MAP2K5: variants seen among roughly 807,000 people sequenced by gnomAD.
MAP2K5 encodes the protein dual specificity mitogen-activated protein kinase kinase 5.
Under a neutral mutation model 83.1 loss-of-function variants are expected in MAP2K5, and 49 were observed. The observed-to-expected ratio is 0.59, with a 90% CI of 0.47 to 0.75. MAP2K5 has a LOEUF of 0.75. Ranked by LOEUF, MAP2K5 falls within the 30% of genes least tolerant of loss-of-function variation. The pLI is 0.00. For missense variants in MAP2K5, 457 were observed against 557.5 expected (o/e 0.82, Z 1.82); for synonymous variants, 202 against 191.8 (o/e 1.05, Z -0.44).
chr15:67,624,277 G>A (rs188624750), intron 8 of MAP2K5, among the ~76,000 whole-genome samples: 4 of 146,340 alleles, frequency 2.7e-5, no homozygotes, highest in Admixed American at 2.1e-4. Context: ...AAGCGGAGCT[G>A]GCAGTGAGCC....
chr15:67,726,869 T>TA (rs1465053736), intron 16 of MAP2K5, among the ~76,000 whole-genome samples: 15 of 152,228 alleles, frequency 9.9e-5, no homozygotes, highest in African/African-American at 3.6e-4. Context: ...GTTTTGCCAC[T>TA]ATTTTCTTTA....
chr15:67,776,149 C>T lies in MAP2K5; in HGVS notation c.1242+3397C>T, dbSNP rs16951259. Among the ~76,000 whole-genome samples, 1,203 of 152,220 alleles carry T rather than the reference C, an allele frequency of 7.9e-3. 21 individuals are homozygous for T. Among genetic ancestry groups the T allele is most frequent in the African/African-American group, 0.027 (1,138 of 41,536 alleles). On this transcript the variant is annotated intron_variant, in intron 21 of 21. Coordinates refer to ENST00000178640, the MANE Select transcript of MAP2K5 (RefSeq NM_145160.3). Reference sequence around the variant, plus strand: ...AACCCTGCTTTAAAGGTAAACTAAGCGTGCAGGCAGCCAAGAACATTCAGC... The same window carrying T: ...AACCCTGCTTTAAAGGTAAACTAAGTGTGCAGGCAGCCAAGAACATTCAGC...
At chr15:67,791,753 A>G (rs563391955) in intron 21 of MAP2K5, among the ~76,000 whole-genome samples, 1 of 152,220 alleles carries the variant, frequency 6.6e-6, no homozygotes, top group African/African-American at 2.4e-5. Context: ...AGCCGGTTGT[A>G]GAATGAAAAC....
rs1461542939 is a variant in MAP2K5, at chr15:67,620,925, AATTAGGTG to A, written c.546-9962_546-9955del. On this transcript the variant is annotated intron_variant, in intron 8 of 21. Coordinates refer to ENST00000178640, the MANE Select transcript of MAP2K5 (RefSeq NM_145160.3). ...GAAGTCGATAGGTGTAAAGTAAATG[AATTAGGTG>A]GTAGAAATAAATCCAAATATATCAA... 3.3e-5 allele frequency among the ~76,000 whole-genome samples: 5 copies of A among 152,314 alleles called. No homozygotes were observed. In the East Asian group the frequency reaches 9.6e-4, roughly 29 times the overall value.
intron 16 of MAP2K5, among the ~76,000 whole-genome samples, chr15:67,725,266 G>C (rs982485743): frequency 1.3e-5 from 2 of 152,186 alleles, no homozygotes. Context: ...ATGACAGAGA[G>C]GGCCAAGTAG....
At chr15:67,687,699 T>C (rs1232643482) in intron 13 of MAP2K5, among the ~76,000 whole-genome samples, 1 of 152,188 alleles carries the variant, frequency 6.6e-6, no homozygotes, top group Non-Finnish European at 1.5e-5. Context: ...AAGATGGAGC[T>C]CCTTCTCAGG....
At position 67,802,912 on chromosome 15, in the gene MAP2K5, G is replaced by T. The variant is rs1242078611; in HGVS notation, c.1243-3734G>T. Among the ~76,000 whole-genome samples, 3 of 152,252 alleles carry T rather than the reference G, an allele frequency of 2.0e-5. No homozygotes were observed. Among genetic ancestry groups the T allele is most frequent in the African/African-American group, 7.2e-5 (3 of 41,468 alleles). On this transcript the variant is annotated intron_variant, in intron 21 of 21. Coordinates refer to ENST00000178640, the MANE Select transcript of MAP2K5 (RefSeq NM_145160.3). The surrounding 1 kb of genome is among the most constrained non-coding windows in gnomAD (Gnocchi z 5.0). Reference sequence around the variant, plus strand: ...GGACCAGCCGCAGGGGCTGGAGACTGCAAGGAGCCTCGAGGTTGGCTGTCT... The same window carrying T: ...GGACCAGCCGCAGGGGCTGGAGACTTCAAGGAGCCTCGAGGTTGGCTGTCT...
intron 4 of MAP2K5, among the ~76,000 whole-genome samples, chr15:67,583,908 G>A (rs1029451991): frequency 1.3e-5 from 2 of 151,904 alleles, no homozygotes; most frequent in African/African-American, 4.8e-5. Flanking sequence ...CACCACGCTG[G>A]GCATTTTTTT....
intron 3 of MAP2K5, among the ~76,000 whole-genome samples, chr15:67,567,975 AC>A (rs2084875147): frequency 6.6e-6 from 1 of 152,204 alleles, no homozygotes; most frequent in African/African-American, 2.4e-5. Context: ...TTCAGCCAAT[AC>A]ATCTTGCTTT....
At chr15:67,600,103 C>T (rs1209065903) in intron 7 of MAP2K5, among the ~76,000 whole-genome samples, 1 of 152,118 alleles carries the variant, frequency 6.6e-6, no homozygotes, top group Non-Finnish European at 1.5e-5. Context: ...GCATTGATTT[C>T]GTGCTTTTCC....
chr15:67,648,333 G>A (rs1356720467), intron 11 of MAP2K5, among the ~76,000 whole-genome samples: 3 of 152,050 alleles, frequency 2.0e-5, no homozygotes, highest in Admixed American at 6.6e-5. Context: ...ATAATATATG[G>A]CCTTTGTGTC....
At chr15:67,564,712 A>G (rs2084804423) in intron 3 of MAP2K5, among the ~76,000 whole-genome samples, 1 of 152,226 alleles carries the variant, frequency 6.6e-6, no homozygotes, top group African/African-American at 2.4e-5. Flanking sequence ...GAAAAGGTCT[A>G]CCACTGGTAT....
Position 67,747,746 on chromosome 15 carries a change from A to G in MAP2K5, c.1075-485A>G, listed in dbSNP as rs1226444194. Among the ~76,000 whole-genome samples, 1 of 152,242 alleles carries G rather than the reference A, an allele frequency of 6.6e-6. No individual in the cohort carries two copies. Among genetic ancestry groups the G allele is most frequent in the Admixed American group, 6.5e-5 (1 of 15,288 alleles). ...AGTTAGGTGCAAATACTTCAACTAC[A>G]TAATTAAAGTTTTCCTCACAAAATA... On this transcript the variant is annotated intron_variant, in intron 17 of 21. Coordinates refer to ENST00000178640, the MANE Select transcript of MAP2K5 (RefSeq NM_145160.3). The surrounding 1 kb of genome is among the most constrained non-coding windows in gnomAD (Gnocchi z 4.1).
chr15:67,578,292 T>A (rs923273591), intron 3 of MAP2K5, among the ~76,000 whole-genome samples: 1 of 152,162 alleles, frequency 6.6e-6, no homozygotes. Context: ...GTACCATGCA[T>A]GGCCCTGCAT....
chr15:67,589,718 A>T (rs1181039168), intron 6 of MAP2K5, among the ~76,000 whole-genome samples: 2 of 152,078 alleles, frequency 1.3e-5, no homozygotes, highest in African/African-American at 4.8e-5. Context: ...GGAACTATCA[A>T]CTGGGAGTCA....
rs1287371998 is a variant in MAP2K5, at chr15:67,777,790, T to G, written c.1242+5038T>G. 6.6e-6 allele frequency among the ~76,000 whole-genome samples: 1 copy of G among 152,246 alleles called. No homozygotes were observed. Among genetic ancestry groups the G allele is most frequent in the Non-Finnish European group, 1.5e-5 (1 of 68,038 alleles). On this transcript the variant is annotated intron_variant, in intron 21 of 21. Transcript: ENST00000178640. This position sits in a 1 kb window ranked among gnomAD's most constrained non-coding sequence, Gnocchi z 6.0. ...GGTTCTAGTAATGCCTGTTATTTTGTGCATCTCCTTGTACATTCCAGAGTA... is the reference window on the plus strand; with the variant it reads ...GGTTCTAGTAATGCCTGTTATTTTGGGCATCTCCTTGTACATTCCAGAGTA...
intron 11 of MAP2K5, among the ~76,000 whole-genome samples, chr15:67,657,031 A>C (rs572975524): frequency 6.6e-6 from 1 of 152,312 alleles, no homozygotes; most frequent in South Asian, 2.1e-4. Context: ...AAAATGAATC[A>C]GTGATGGCAC....
chr15:67,660,116 A>G (rs1237895882), intron 12 of MAP2K5, among the ~76,000 whole-genome samples: 2 of 152,046 alleles, frequency 1.3e-5, no homozygotes, highest in Non-Finnish European at 2.9e-5. Context: ...TATGTGTCCA[A>G]TTTTTCCAGC....
intron 8 of MAP2K5, among the ~76,000 whole-genome samples, chr15:67,606,203 A>G (rs1201044204): frequency 6.6e-6 from 1 of 152,192 alleles, no homozygotes; most frequent in Admixed American, 6.5e-5. Context: ...AATCATAGTA[A>G]GTCAGTTAGC....
Sources: gnomAD v4.1 joint callset for allele counts (sites outside exome capture counted in the v4.1 genomes callset) on GRCh38, gnomAD v4.1.1 for gene constraint, Gnocchi (gnomAD v3.1) non-coding constraint, MANE v1.5 for transcripts, NCBI Gene and HGNC (gene_info 2026-07-23, HGNC 2026-07-21) for gene names.